The following PDZRN4 variants were observed in gnomAD, a reference collection of about 807,000 sequenced individuals.
The protein encoded by PDZRN4 is PDZ domain-containing RING finger protein 4.
In PDZRN4, 70 loss-of-function variants were observed where a neutral mutation model predicts 99.0. That is an observed-to-expected ratio of 0.71 (90% CI 0.58 to 0.86). The LOEUF (loss-of-function observed/expected upper bound fraction) is 0.86. Among genes scored for constraint, PDZRN4 ranks in the 40% least tolerant of loss-of-function variants. The pLI is 0.00. For missense variants in PDZRN4, 1,474 were observed against 1,331.2 expected (o/e 1.11, Z -1.67); for synonymous variants, 551 against 501.6 (o/e 1.10, Z -1.32).
Position 41,225,615 on chromosome 12 carries a change from TTC to T in PDZRN4, c.843+31433_843+31434del, listed in dbSNP as rs138381226. Among the ~76,000 whole-genome samples the T allele has an allele frequency of 2.0e-5, 3 of 152,250 alleles. No homozygotes were observed. The East Asian group carries it at 5.8e-4, about 29-fold the overall frequency. ...GTTTACAAAACACACCTATTTTAAT[TTC>T]TCTCTGTTTTCTTTCTGTATCAAAA... On this transcript the variant is annotated intron_variant, in intron 3 of 9. Coordinates refer to ENST00000402685, the MANE Select transcript of PDZRN4 (RefSeq NM_001164595.2).
intron 3 of PDZRN4, among the ~76,000 whole-genome samples, chr12:41,349,352 C>A (rs1006072060): frequency 1.3e-5 from 2 of 151,558 alleles, no homozygotes; most frequent in Non-Finnish European, 2.9e-5. Flanking sequence ...GTGAATTGAA[C>A]AAAAGAGAAG....
At chr12:41,408,588 T>C (rs2120367361) in intron 3 of PDZRN4, among the ~76,000 whole-genome samples, 1 of 152,310 alleles carries the variant, frequency 6.6e-6, no homozygotes, top group South Asian at 2.1e-4. Context: ...GATGGAAAGA[T>C]TATATGGCTT....
chr12:41,520,409 A>G (rs285571), intron 5 of PDZRN4, among the ~76,000 whole-genome samples: 35,007 of 151,930 alleles, frequency 0.23, 5,679 homozygotes, highest in African/African-American at 0.46. Context: ...GATTGAAGCA[A>G]TGACTAAATC....
intron 3 of PDZRN4, among the ~76,000 whole-genome samples, chr12:41,281,889 GA>G (rs1038553564): frequency 1.9e-4 from 29 of 152,206 alleles, no homozygotes; most frequent in African/African-American, 6.3e-4. Context: ...ATATGGAAAG[GA>G]AAAACTACTA....
At chr12:41,476,801 A>G (rs567090745) in intron 3 of PDZRN4, among the ~76,000 whole-genome samples, 2 of 152,332 alleles carry the variant, frequency 1.3e-5, no homozygotes, top group African/African-American at 2.4e-5. Flanking sequence ...TCGATCTCCA[A>G]TTAAGCATCT....
intron 3 of PDZRN4, among the ~76,000 whole-genome samples, chr12:41,452,075 A>G (rs1163936914): frequency 6.6e-6 from 1 of 151,554 alleles, no homozygotes; most frequent in Non-Finnish European, 1.5e-5. Flanking sequence ...TTTCTTTAAT[A>G]TCCTGTAATA....
intron 3 of PDZRN4, among the ~76,000 whole-genome samples, chr12:41,502,884 A>G (rs1025923304): frequency 7.9e-5 from 12 of 152,034 alleles, no homozygotes; most frequent in Non-Finnish European, 1.5e-4. Flanking sequence ...TGGTTTAAAA[A>G]CTAATCACTT....
At chr12:41,553,902 TC>T (rs1828649792) in intron 6 of PDZRN4, among the ~76,000 whole-genome samples, 1 of 151,996 alleles carries the variant, frequency 6.6e-6, no homozygotes, top group African/African-American at 2.4e-5. Flanking sequence ...GCTTCAGCTT[TC>T]TCAACTACAA....
chr12:41,314,397 C>T (rs1227151005), intron 3 of PDZRN4, among the ~76,000 whole-genome samples: 1 of 152,106 alleles, frequency 6.6e-6, no homozygotes, highest in African/African-American at 2.4e-5. Context: ...AGTTCACAGT[C>T]CCTATCATAG....
chr12:41,327,407 C>T (rs1355560824), intron 3 of PDZRN4, among the ~76,000 whole-genome samples: 1 of 152,200 alleles, frequency 6.6e-6, no homozygotes, highest in African/African-American at 2.4e-5. Context: ...ACCTAAGCTA[C>T]AGCACATTGT....
At chr12:41,488,058 C>CAAATACTTGA (rs1937809711) in intron 3 of PDZRN4, among the ~76,000 whole-genome samples, 1 of 152,098 alleles carries the variant, frequency 6.6e-6, no homozygotes, top group African/African-American at 2.4e-5. Flanking sequence ...TCAGGAGCAC[C>CAAATACTTGA]AAATAGTCAA....
chr12:41,423,331 T>C (rs1024256533), intron 3 of PDZRN4, among the ~76,000 whole-genome samples: 2 of 152,018 alleles, frequency 1.3e-5, no homozygotes, highest in African/African-American at 4.8e-5. Flanking sequence ...GTGTGTGATG[T>C]TCCCCTCCCT....
intron 3 of PDZRN4, among the ~76,000 whole-genome samples, chr12:41,378,131 T>G (rs1025096251): frequency 6.6e-6 from 1 of 151,778 alleles, no homozygotes; most frequent in African/African-American, 2.4e-5. Context: ...ATGACCATTA[T>G]TATGTTGATG....
intron 3 of PDZRN4, among the ~76,000 whole-genome samples, chr12:41,318,189 C>T (rs1299671463): frequency 6.6e-6 from 1 of 152,076 alleles, no homozygotes; most frequent in Admixed American, 6.5e-5. Flanking sequence ...GTCTTAGGAT[C>T]AGTTTTCAGA....
chr12:41,494,601 T>G (rs772502524), intron 3 of PDZRN4, among the ~76,000 whole-genome samples: 7 of 152,240 alleles, frequency 4.6e-5, no homozygotes, highest in Non-Finnish European at 1.0e-4. Context: ...TTTTTTTGCC[T>G]TAGGCATCAA....
intron 5 of PDZRN4, among the ~76,000 whole-genome samples, chr12:41,539,197 T>C (rs1384001580): frequency 6.6e-6 from 1 of 151,974 alleles, no homozygotes; most frequent in East Asian, 1.9e-4. Context: ...AATGACTTTT[T>C]CTCTTCTAAG....
intron 3 of PDZRN4, among the ~76,000 whole-genome samples, chr12:41,359,042 C>A (rs1951947637): frequency 1.3e-5 from 2 of 151,934 alleles, no homozygotes; most frequent in African/African-American, 4.8e-5. Context: ...CAGCCCATTT[C>A]TATTGTTATT....
intron 3 of PDZRN4, among the ~76,000 whole-genome samples, chr12:41,220,805 C>T (rs1270889513): frequency 6.6e-6 from 1 of 152,158 alleles, no homozygotes; most frequent in Non-Finnish European, 1.5e-5. Flanking sequence ...GAGGTCTTAA[C>T]CTTGACACTA....
intron 3 of PDZRN4, among the ~76,000 whole-genome samples, chr12:41,341,723 G>T (rs923073934): frequency 5.5e-4 from 84 of 151,740 alleles, no homozygotes; most frequent in African/African-American, 2.0e-3. Context: ...TGAAAAGATA[G>T]ATTTTGTTCA....
Sources: allele counts gnomAD v4.1 joint callset (sites outside exome capture counted in the v4.1 genomes callset), GRCh38; gene constraint gnomAD v4.1.1; transcripts MANE v1.5; gene names NCBI Gene and HGNC (gene_info 2026-07-23, HGNC 2026-07-21).